FAM107B: variants seen among roughly 807,000 people sequenced by gnomAD.
The protein encoded by FAM107B is family with sequence similarity 107 member B.
Under a neutral mutation model 31.5 loss-of-function variants are expected in FAM107B, and 21 were observed. The ratio of observed to expected loss-of-function variants is 0.67; its 90% CI spans 0.47 to 0.96. The LOEUF is 0.96. Ranked by LOEUF, FAM107B falls within the 40% of genes least tolerant of loss-of-function variation. The pLI is 0.00. For missense variants in FAM107B, 452 were observed against 377.1 expected (o/e 1.20, Z -1.64); for synonymous variants, 157 against 141.5 (o/e 1.11, Z -0.78).
intron 1 of FAM107B, among the ~76,000 whole-genome samples, chr10:14,687,863 A>G (rs1294607635): frequency 6.6e-6 from 1 of 152,208 alleles, no homozygotes; most frequent in African/African-American, 2.4e-5. Flanking sequence ...ACACACACAA[A>G]AACAGTCATG....
chr10:14,742,286 T>C (rs1156756551), intron 1 of FAM107B, among the ~76,000 whole-genome samples: 1 of 150,584 alleles, frequency 6.6e-6, no homozygotes, highest in African/African-American at 2.4e-5. Flanking sequence ...CCAGCTCATT[T>C]TTTTTTTTTT....
chr10:14,774,537 A>G lies in FAM107B; in HGVS notation c.127T>C (p.Ser43Pro). Residue 43 changes from serine (S) to proline (P), a missense_variant, in exon 1 of 5, where the codon TCC (serine) becomes CCC (proline). Ser to Pro is a moderately conservative substitution (Grantham distance 74, BLOSUM62 -1). Coordinates refer to ENST00000181796, the MANE Select transcript of FAM107B (RefSeq NM_031453.4). ...NTRESASFNQ[S>P]GVADTHSTVR... ...GTGGAATGAGTATCAGCCACGCCGGACTGATTGAAGGAAGCACTCTCCCTC... is the reference window on the plus strand; with the variant it reads ...GTGGAATGAGTATCAGCCACGCCGGGCTGATTGAAGGAAGCACTCTCCCTC... 6.2e-7 allele frequency: 1 copy of G among 1,614,168 alleles called. No individual in the cohort carries two copies. Among genetic ancestry groups the G allele is most frequent in the Non-Finnish European group, 8.5e-7 (1 of 1,180,026 alleles).
chr10:14,764,294 G>T (rs891491703), intron 1 of FAM107B, among the ~76,000 whole-genome samples: 2 of 152,286 alleles, frequency 1.3e-5, no homozygotes, highest in Admixed American at 1.3e-4. Context: ...GATGTTTTAA[G>T]TTACAGGACT....
In FAM107B at chr10:14,774,521, G is replaced by C; in HGVS notation, c.143C>G (p.Thr48Ser). The change falls in exon 1 of 5, where the codon ACT becomes AGT. Residue 48 changes from threonine to serine, a missense_variant. Thr to Ser is a moderately conservative substitution (Grantham distance 58). Coordinates refer to ENST00000181796, the MANE Select transcript of FAM107B (RefSeq NM_031453.4). ...AGGCTGCACACGGACGGTGGAATGA[G>C]TATCAGCCACGCCGGACTGATTGAA... ...ASFNQSGVAD[T>S]HSTVRVQPVA... 1 of 1,614,196 alleles carries C rather than the reference G, an allele frequency of 6.2e-7. No homozygotes were observed. Among genetic ancestry groups the C allele is most frequent in the Non-Finnish European group, 8.5e-7 (1 of 1,180,026 alleles).
intron 1 of FAM107B, among the ~76,000 whole-genome samples, chr10:14,691,120 C>T (rs60207458): frequency 0.11 from 16,548 of 152,058 alleles, 1,390 homozygotes; most frequent in East Asian, 0.24. Flanking sequence ...ACTGCAGCCT[C>T]GACCTCCTGG....
rs576495013 is a variant in FAM107B at position 14,622,085 on chromosome 10, C to T, written c.469+45549G>A. Among the ~76,000 whole-genome samples the T allele has an allele frequency of 2.5e-3, 387 of 152,300 alleles. 3 individuals carry two copies. Among genetic ancestry groups the T allele is most frequent in the African/African-American group, 9.1e-3 (379 of 41,556 alleles). On this transcript the variant is annotated intron_variant, in intron 2 of 4. Transcript: ENST00000181796. ...CATTCCTGGCTTTTCATCTTGGCTT[C>T]TCCATCAACACATTTAATAAAGTCC... is the stretch of plus-strand genomic sequence containing the variant.
intron 2 of FAM107B, among the ~76,000 whole-genome samples, chr10:14,561,724 T>C (rs1000496248): frequency 2.0e-5 from 3 of 152,090 alleles, no homozygotes; most frequent in Non-Finnish European, 2.9e-5. Context: ...AAGAAAGAAA[T>C]GTAAATAGTG....
At chr10:14,523,195 C>G (rs1305794805) in intron 3 of FAM107B, among the ~76,000 whole-genome samples, 1 of 152,238 alleles carries the variant, frequency 6.6e-6, no homozygotes, top group Admixed American at 6.5e-5. Context: ...CTATGGCTTT[C>G]CAGAATGCTG....
At chr10:14,588,111 C>T (rs1851902130) in intron 2 of FAM107B, among the ~76,000 whole-genome samples, 1 of 152,126 alleles carries the variant, frequency 6.6e-6, no homozygotes, top group Non-Finnish European at 1.5e-5. Flanking sequence ...TCTGACAGCG[C>T]TTCTGAAGAG....
At chr10:14,672,701 C>G (rs1854590627) in intron 1 of FAM107B, among the ~76,000 whole-genome samples, 1 of 152,110 alleles carries the variant, frequency 6.6e-6, no homozygotes, top group Non-Finnish European at 1.5e-5. Flanking sequence ...TGAAACCACA[C>G]TAAGTTTATA....
In FAM107B at chr10:14,745,839, G is replaced by A. The variant is rs575287318; in HGVS notation, c.411+28414C>T. The stretch of plus-strand genomic sequence containing the variant: ...TCCACTTAATCCAGAGCTGAGTTCA[G>A]GTTCTGAATAACCTTGTTAATTTTC... On this transcript the variant is annotated intron_variant, in intron 1 of 4. Coordinates refer to ENST00000181796, the MANE Select transcript of FAM107B (RefSeq NM_031453.4). 9.2e-5 allele frequency among the ~76,000 whole-genome samples: 14 copies of A among 152,186 alleles called. No individual in the cohort carries two copies. In the East Asian group the frequency reaches 2.7e-3, roughly 29 times the overall value.
At chr10:14,699,818 C>A (rs931512577) in intron 1 of FAM107B, among the ~76,000 whole-genome samples, 1 of 152,228 alleles carries the variant, frequency 6.6e-6, no homozygotes, top group African/African-American at 2.4e-5. Context: ...TGCAATGGAG[C>A]AAAAGGATTG....
At chr10:14,659,798 A>G (rs771739323) in intron 2 of FAM107B, among the ~76,000 whole-genome samples, 2 of 152,204 alleles carry the variant, frequency 1.3e-5, no homozygotes, top group Admixed American at 6.5e-5. Flanking sequence ...TCTGAACTCC[A>G]AGTGTCATGG....
chr10:14,668,274 A>T (rs1022731381), intron 1 of FAM107B, among the ~76,000 whole-genome samples: 2 of 151,948 alleles, frequency 1.3e-5, no homozygotes, highest in African/African-American at 4.8e-5. Flanking sequence ...CGATCTCCTG[A>T]CCTCATGATC....
intron 2 of FAM107B, among the ~76,000 whole-genome samples, chr10:14,582,375 C>CTTTTTTTTTTTTTTTTTTTTTTTTTGT (rs71388188): frequency 8.9e-6 from 1 of 112,086 alleles, no homozygotes; most frequent in Non-Finnish European, 1.7e-5. Flanking sequence ...TTTTTCTTTT[C>CTTTTTTTTTTTTTTTTTTTTTTTTTGT]TTTTTTTTTT....
At chr10:14,658,467 G>A (rs1268626287) in intron 2 of FAM107B, among the ~76,000 whole-genome samples, 1 of 152,172 alleles carries the variant, frequency 6.6e-6, no homozygotes, top group Non-Finnish European at 1.5e-5. Context: ...CTTTATATGT[G>A]TTAAGTACCC....
chr10:14,685,314 A>G (rs1854957156), intron 1 of FAM107B, among the ~76,000 whole-genome samples: 1 of 151,360 alleles, frequency 6.6e-6, no homozygotes, highest in Admixed American at 6.6e-5. Flanking sequence ...ATGACCCGCT[A>G]ATTTTTAAAT....
chr10:14,644,856 C>T (rs1013959763), intron 2 of FAM107B, among the ~76,000 whole-genome samples: 2 of 152,166 alleles, frequency 1.3e-5, no homozygotes, highest in Non-Finnish European at 2.9e-5. Flanking sequence ...CCATCATCTT[C>T]GTGGCCAGCT....
chr10:14,668,922 T>A (rs1854473471), intron 1 of FAM107B, among the ~76,000 whole-genome samples: 1 of 152,242 alleles, frequency 6.6e-6, no homozygotes, highest in South Asian at 2.1e-4. Flanking sequence ...AAACTGGGGC[T>A]ATTCTATAAC....
Sources: gnomAD v4.1 joint callset for allele counts (sites outside exome capture counted in the v4.1 genomes callset) on GRCh38, gnomAD v4.1.1 for gene constraint, MANE v1.5 for transcripts, NCBI Gene and HGNC (gene_info 2026-07-23, HGNC 2026-07-21) for gene names.